CDH13: variants seen among roughly 807,000 people sequenced by gnomAD.
CDH13 encodes the protein cadherin-13.
In CDH13, 24 loss-of-function variants were observed where a neutral mutation model predicts 63.8. The ratio of observed to expected loss-of-function variants is 0.38; its 90% CI spans 0.27 to 0.53. CDH13 has a LOEUF of 0.53. Ranked by LOEUF, CDH13 falls within the 20% of genes least tolerant of loss-of-function variation. The pLI is 0.85. For missense variants in CDH13, 1,049 were observed against 903.1 expected, an observed-to-expected ratio of 1.16 and a Z score of -2.07; for synonymous variants, 503 against 355.3, an observed-to-expected ratio of 1.42 and a Z score of -4.67.
chr16:82,768,925 C>T, intron 1 of CDH13, among the ~76,000 whole-genome samples: 1 of 152,318 alleles, frequency 6.6e-6, no homozygotes, highest in East Asian at 1.9e-4. Flanking sequence ...TAGCAGGTCT[C>T]TTGCTTTCTC....
At chr16:83,217,782 G>A (rs1014342655) in intron 5 of CDH13, among the ~76,000 whole-genome samples, 7 of 152,092 alleles carry the variant, frequency 4.6e-5, no homozygotes, top group African/African-American at 1.4e-4. Context: ...GAACCCTTAG[G>A]GCAACTTTGG....
intron 1 of CDH13, among the ~76,000 whole-genome samples, chr16:82,833,421 G>C (rs2038630643): frequency 6.6e-6 from 1 of 152,182 alleles, no homozygotes; most frequent in Non-Finnish European, 1.5e-5. Context: ...TCAAAGCCAG[G>C]TTTGCTTGAC....
intron 2 of CDH13, among the ~76,000 whole-genome samples, chr16:82,912,507 T>A (rs913900532): frequency 5.9e-5 from 9 of 152,174 alleles, no homozygotes; most frequent in African/African-American, 1.9e-4. Flanking sequence ...GTCAAAACAT[T>A]TCTTAAAGTA....
chr16:83,659,697 C>T (rs1290082910), intron 8 of CDH13, among the ~76,000 whole-genome samples: 1 of 151,978 alleles, frequency 6.6e-6, no homozygotes. Context: ...TAGTCTGATA[C>T]CCTTTTCTCA....
In CDH13 at chr16:83,784,145, T is replaced by C. The variant is rs556104379; in HGVS notation, c.2134+673T>C. ...TAACTGTTACCATCCAAAAGCCTTT[T>C]GGGCCTTGCAATTTACCTTTTGAGA... On this transcript the variant is annotated intron_variant, in intron 13 of 13. Transcript: ENST00000567109. Among the ~76,000 whole-genome samples the C allele has an allele frequency of 3.9e-5, 6 of 152,358 alleles. No homozygotes were observed. In the South Asian group the frequency reaches 1.2e-3, roughly 32 times the overall value.
chr16:83,097,537 G>A (rs1597329893), intron 3 of CDH13, among the ~76,000 whole-genome samples: 1 of 152,162 alleles, frequency 6.6e-6, no homozygotes, highest in African/African-American at 2.4e-5. Context: ...TCTCACTGGT[G>A]CAGCCAATAC....
intron 3 of CDH13, among the ~76,000 whole-genome samples, chr16:83,117,292 C>T: frequency 6.6e-6 from 1 of 152,184 alleles, no homozygotes; most frequent in Non-Finnish European, 1.5e-5. Context: ...GCTCACCTTG[C>T]CCACGCCAGC....
intron 11 of CDH13, among the ~76,000 whole-genome samples, chr16:83,759,092 A>C (rs1379986770): frequency 6.6e-6 from 1 of 152,244 alleles, no homozygotes; most frequent in East Asian, 1.9e-4. Flanking sequence ...TGGCCAAGGC[A>C]ATCTTGAAGA....
At chr16:83,152,732 C>T (rs2037037597) in intron 4 of CDH13, among the ~76,000 whole-genome samples, 1 of 152,064 alleles carries the variant, frequency 6.6e-6, no homozygotes, top group South Asian at 2.1e-4. Context: ...CCCCAAAACC[C>T]ATGTGTTGAA....
chr16:83,494,288 A>G (rs952592228), intron 7 of CDH13, among the ~76,000 whole-genome samples: 2 of 152,280 alleles, frequency 1.3e-5, no homozygotes, highest in African/African-American at 4.8e-5. Context: ...TTTTTGGAAA[A>G]AGTTCTTTTC....
chr16:82,807,558 C>T (rs149548163), intron 1 of CDH13, among the ~76,000 whole-genome samples: 38 of 102,552 alleles, frequency 3.7e-4, no homozygotes, highest in African/African-American at 1.0e-3. Flanking sequence ...GTAAAAATGA[C>T]ACCATGTCTT....
chr16:83,213,341 C>T (rs1028025880), intron 4 of CDH13, among the ~76,000 whole-genome samples: 2 of 152,162 alleles, frequency 1.3e-5, no homozygotes, highest in African/African-American at 4.8e-5. Flanking sequence ...GTCTAGAATT[C>T]AGCTTTCTGT....
intron 7 of CDH13, among the ~76,000 whole-genome samples, chr16:83,579,719 G>A (rs1820661234): frequency 6.6e-6 from 1 of 152,048 alleles, no homozygotes; most frequent in Admixed American, 6.5e-5. Flanking sequence ...GAGCTGTACT[G>A]ATGTGAATGG....
intron 7 of CDH13, among the ~76,000 whole-genome samples, chr16:83,533,476 G>C (rs1314456345): frequency 6.6e-6 from 1 of 152,084 alleles, no homozygotes; most frequent in Non-Finnish European, 1.5e-5. Context: ...ATCTGTGTAG[G>C]TAGAGTTGGC....
chr16:83,517,301 G>C (rs1345075629), intron 7 of CDH13, among the ~76,000 whole-genome samples: 1 of 152,230 alleles, frequency 6.6e-6, no homozygotes, highest in Non-Finnish European at 1.5e-5. Context: ...ATCAGGGCTA[G>C]ATTAGGTTAT....
At chr16:83,759,329 GATTGAATAAACATA>G (rs1192738296) in intron 11 of CDH13, among the ~76,000 whole-genome samples, 1 of 152,094 alleles carries the variant, frequency 6.6e-6, no homozygotes, top group Non-Finnish European at 1.5e-5. Context: ...AGGCCAAGTT[GATTGAATAAACATA>G]TTTTTTAAAA....
At chr16:82,995,064 A>G (rs973313104) in intron 2 of CDH13, among the ~76,000 whole-genome samples, 20 of 152,242 alleles carry the variant, frequency 1.3e-4, no homozygotes, top group African/African-American at 4.8e-4. Context: ...GCAAGAAGTG[A>G]GTAAATGTTA....
intron 7 of CDH13, among the ~76,000 whole-genome samples, chr16:83,516,339 C>G (rs2074698609): frequency 6.6e-6 from 1 of 152,152 alleles, no homozygotes; most frequent in South Asian, 2.1e-4. Flanking sequence ...AGACCTTGAG[C>G]CAGGCTTTCA....
At position 83,081,065 on chromosome 16, in the gene CDH13, C is replaced by G. The variant is rs146576934; in HGVS notation, c.367-44320C>G. Among the ~76,000 whole-genome samples the G allele has an allele frequency of 4.0e-3, 610 of 151,270 alleles. 8 individuals are homozygous for G. The highest frequency in any genetic ancestry group is 0.014 in the African/African-American group (576 of 41,218). On this transcript the variant is annotated intron_variant, in intron 3 of 13. Transcript: ENST00000567109. ...CCCGGCTAATTTTTTATTTTTAGTA[C>G]AGACGGGGTTTCTCCATGTTGGTCA...
Sources: gnomAD v4.1 joint callset for allele counts (sites outside exome capture counted in the v4.1 genomes callset) on GRCh38, gnomAD v4.1.1 for gene constraint, MANE v1.5 for transcripts, NCBI Gene and HGNC (gene_info 2026-07-23, HGNC 2026-07-21) for gene names.